MEIS2: variants seen among roughly 807,000 people sequenced by gnomAD.
MEIS2 encodes the protein Meis homeobox 2, also known as homeobox protein Meis2.
MEIS2 carries 9 observed loss-of-function variants against 58.6 expected under a neutral mutation model. The observed-to-expected ratio is 0.15, with a 90% CI of 0.09 to 0.27. MEIS2 has a LOEUF of 0.27. Ranked by LOEUF, MEIS2 falls within the 10% of genes least tolerant of loss-of-function variation. MEIS2 has a pLI of 1.00. For missense variants in MEIS2, 427 were observed against 635.0 expected (o/e 0.67, Z 3.52); for synonymous variants, 221 against 228.4 (o/e 0.97, Z 0.29).
At chr15:37,083,945 CCA>C in intron 6 of MEIS2, 60 bp from the exon 7 acceptor site, 1 of 1,467,094 alleles carries the variant, frequency 6.8e-7, no homozygotes, top group South Asian at 1.1e-5. Flanking sequence ...CAATGAAGAA[CCA>C]AAAGGAACGG....
At chr15:37,076,474 C>T (rs953343786) in intron 7 of MEIS2, among the ~76,000 whole-genome samples, 2 of 151,918 alleles carry the variant, frequency 1.3e-5, no homozygotes, top group African/African-American at 4.8e-5. Flanking sequence ...AGCCTTAAGA[C>T]CCCCAAGGCT....
chr15:36,995,706 T>TAAAAAAAAAAAAAAAAAAAAAAAA (rs71821151), intron 8 of MEIS2, among the ~76,000 whole-genome samples: 1 of 4,120 alleles, frequency 2.4e-4, no homozygotes, highest in Non-Finnish European at 3.8e-4. Context: ...TTACAGCTAC[T>TAAAAAAAAAAAAAAAAAAAAAAAA]AAAAAAAAAA....
intron 8 of MEIS2, among the ~76,000 whole-genome samples, chr15:37,001,006 C>T (rs1384940246): frequency 2.6e-5 from 4 of 152,140 alleles, no homozygotes; most frequent in Admixed American, 2.6e-4. Context: ...TTCCTCACGA[C>T]CAAATTCATT....
chr15:37,098,425 A>AG (rs71126257), intron 1 of MEIS2: 6 of 1,178,004 alleles, frequency 5.1e-6, no homozygotes, highest in Middle Eastern at 3.3e-4. Flanking sequence ...AGAGAGAGAG[A>AG]AAATAAAAAT....
chr15:36,925,303 G>A (rs1188935512), intron 9 of MEIS2, among the ~76,000 whole-genome samples: 1 of 152,160 alleles, frequency 6.6e-6, no homozygotes. Context: ...TATTATACAT[G>A]GGCAACGTCC....
In MEIS2 at chr15:36,959,271, T is replaced by G. The variant is rs139893461; in HGVS notation, c.901-8871A>C. On this transcript the variant is annotated intron_variant, in intron 8 of 11. Transcript: ENST00000561208. ...AATTATAGATGCCAATATCCAGATT[T>G]TTTTCCTGCAAGTTACGTAACACCC... is the stretch of plus-strand genomic sequence containing the variant. 2.5e-3 allele frequency among the ~76,000 whole-genome samples: 376 copies of G among 152,270 alleles called. 3 individuals are homozygous for G. The highest frequency in any genetic ancestry group is 8.1e-3 in the African/African-American group (337 of 41,556).
intron 9 of MEIS2, among the ~76,000 whole-genome samples, chr15:36,919,348 T>C (rs1460054422): frequency 6.6e-6 from 1 of 152,016 alleles, no homozygotes; most frequent in Non-Finnish European, 1.5e-5. Flanking sequence ...GGAGACCAAG[T>C]TGGGTGGATC....
intron 8 of MEIS2, among the ~76,000 whole-genome samples, chr15:36,977,403 A>G (rs1249121753): frequency 6.6e-6 from 1 of 152,336 alleles, no homozygotes; most frequent in East Asian, 1.9e-4. Context: ...ATGGGGAAGT[A>G]AAGTAGCAAA....
At chr15:37,017,672 A>T (rs1423003437) in intron 8 of MEIS2, among the ~76,000 whole-genome samples, 1 of 152,144 alleles carries the variant, frequency 6.6e-6, no homozygotes, top group Non-Finnish European at 1.5e-5. Context: ...AAAGAAAAAT[A>T]CCGCTAACTA....
At chr15:36,894,641 A>C (rs1397168726) in intron 11 of MEIS2, 1 of 1,250,930 alleles carries the variant, frequency 8.0e-7, no homozygotes, top group Non-Finnish European at 1.1e-6. Flanking sequence ...GAAAAATAAA[A>C]TGGGGGCAAA....
At chr15:37,026,453 T>C (rs568414747) in intron 8 of MEIS2, among the ~76,000 whole-genome samples, 1 of 152,326 alleles carries the variant, frequency 6.6e-6, no homozygotes, top group South Asian at 2.1e-4. Context: ...TTCTGGAATA[T>C]TTGTGATTGC....
chr15:37,058,208 A>C (rs550465316), intron 7 of MEIS2, among the ~76,000 whole-genome samples: 2 of 152,256 alleles, frequency 1.3e-5, no homozygotes, highest in African/African-American at 4.8e-5. Context: ...CCTGCCTGAA[A>C]ACAGGTCAAG....
intron 7 of MEIS2, among the ~76,000 whole-genome samples, chr15:37,071,578 T>G (rs541139522): frequency 6.6e-6 from 1 of 152,252 alleles, no homozygotes; most frequent in East Asian, 1.9e-4. Flanking sequence ...TTTATAACAT[T>G]TACTTACTAT....
intron 7 of MEIS2, among the ~76,000 whole-genome samples, chr15:37,049,716 G>C (rs2062833355): frequency 6.6e-6 from 1 of 151,668 alleles, no homozygotes. Context: ...TCGAACTCCT[G>C]AGCTCAGGCA....
intron 9 of MEIS2, among the ~76,000 whole-genome samples, chr15:36,907,921 CCAATGGGGAAAAAAAAAT>C (rs1489785344): frequency 5.4e-5 from 2 of 36,946 alleles, no homozygotes; most frequent in Admixed American, 7.0e-4. Context: ...AGTAAAGGTG[CCAATGGGGAAAAAAAAAT>C]CAAAGATCTA....
At chr15:37,068,365 A>G (rs906302534) in intron 7 of MEIS2, among the ~76,000 whole-genome samples, 3 of 152,182 alleles carry the variant, frequency 2.0e-5, no homozygotes, top group African/African-American at 7.2e-5. Context: ...TGCATCACAG[A>G]TTTGGTGACT....
chr15:37,060,839 T>C (rs760568597), intron 7 of MEIS2, among the ~76,000 whole-genome samples: 5 of 152,106 alleles, frequency 3.3e-5, no homozygotes, highest in South Asian at 4.2e-4. Context: ...AAATAAGAAC[T>C]TGTGGGCTGG....
intron 11 of MEIS2, 53 bp from the exon 12 acceptor site, chr15:36,892,512 A>G: frequency 7.2e-7 from 1 of 1,380,776 alleles, no homozygotes; most frequent in Non-Finnish European, 1.0e-6. Context: ...ACATTTTTAT[A>G]CTTTACCCAT....
At chr15:37,095,184 C>A (rs1345069479) in intron 4 of MEIS2, among the ~76,000 whole-genome samples, 2 of 150,726 alleles carry the variant, frequency 1.3e-5, no homozygotes, top group Non-Finnish European at 3.0e-5. Context: ...CCACCCCCAG[C>A]CCGCCCTCAG....
Sources: allele counts gnomAD v4.1 joint callset (sites outside exome capture counted in the v4.1 genomes callset), GRCh38; gene constraint gnomAD v4.1.1; transcripts MANE v1.5; gene names NCBI Gene and HGNC (gene_info 2026-07-23, HGNC 2026-07-21).